The following ENPEP variants were observed in gnomAD, a reference collection of about 807,000 sequenced individuals.
The protein encoded by ENPEP is AP-A.
In ENPEP, 103 loss-of-function variants were observed where a neutral mutation model predicts 114.5. The ratio of observed to expected loss-of-function variants is 0.90; its 90% CI spans 0.77 to 1.06. The LOEUF (loss-of-function observed/expected upper bound fraction) is 1.06. ENPEP is among the 50% of genes least tolerant of loss of function. ENPEP has a pLI of 0.00. For synonymous variants in ENPEP, 420 were observed against 422.0 expected, an observed-to-expected ratio of 1.00 and a Z score of 0.06; for missense variants, 1,196 against 1,161.3, an observed-to-expected ratio of 1.03 and a Z score of -0.43.
At chr4:110,523,396 A>T (rs888756863) in intron 10 of ENPEP, among the ~76,000 whole-genome samples, 1 of 152,110 alleles carries the variant, frequency 6.6e-6, no homozygotes, top group Non-Finnish European at 1.5e-5. Flanking sequence ...AACTGTGAGT[A>T]AATTAAACCT....
intron 1 of ENPEP, among the ~76,000 whole-genome samples, chr4:110,480,965 C>T (rs373517411): frequency 2.6e-5 from 4 of 152,142 alleles, no homozygotes; most frequent in South Asian, 2.1e-4. Flanking sequence ...CACCGTGTTA[C>T]GTAGGATTTC....
At chr4:110,486,931 G>A (rs1218015473) in intron 1 of ENPEP, among the ~76,000 whole-genome samples, 3 of 152,132 alleles carry the variant, frequency 2.0e-5, no homozygotes, top group African/African-American at 4.8e-5. Flanking sequence ...GGCGGGTAGG[G>A]GCTTGGGAAG....
intron 8 of ENPEP, 99 bp from the exon 9 acceptor site, chr4:110,519,909 A>G (rs534475875): frequency 3.9e-6 from 4 of 1,027,804 alleles, no homozygotes; most frequent in South Asian, 1.5e-5. Flanking sequence ...GTTTTGCGCA[A>G]TGGAGGTAGA....
At chr4:110,511,384 A>G (rs1560558913) in intron 6 of ENPEP, among the ~76,000 whole-genome samples, 3 of 152,138 alleles carry the variant, frequency 2.0e-5, no homozygotes, top group Non-Finnish European at 2.9e-5. Flanking sequence ...ACTAAATGCC[A>G]GTAACCTGCC....
rs1560572504 is a variant in ENPEP, at chr4:110,558,293, TAAA to T, written c.2643-1353_2643-1351del. ...AATTATATATATATATATATATATA[TAAA>T]TTTTTTTTTGAGACAAGGTCTCACT... On this transcript the variant is annotated intron_variant, in intron 18 of 19. Coordinates refer to ENST00000265162, the MANE Select transcript of ENPEP (RefSeq NM_001977.4). Among the ~76,000 whole-genome samples the T allele has an allele frequency of 9.7e-5, 14 of 144,796 alleles. No individual in the cohort carries two copies. In the East Asian group the frequency reaches 2.4e-3, roughly 25 times the overall value. 95.0% of individuals were successfully genotyped at this position (144,796 alleles called of 152,430 possible).
At chr4:110,549,134 A>T (rs1578418394) in intron 14 of ENPEP, among the ~76,000 whole-genome samples, 2 of 152,220 alleles carry the variant, frequency 1.3e-5, no homozygotes, top group East Asian at 3.9e-4. Context: ...TTTATAAAAC[A>T]TTACAGGAAG....
chr4:110,553,174 A>G (rs1427865846), intron 17 of ENPEP, 141 bp from the exon 18 acceptor site: 1 of 688,304 alleles, frequency 1.5e-6, no homozygotes, highest in Non-Finnish European at 2.2e-6. Context: ...GTCTTTCATC[A>G]TTTGTCATAT....
chr4:110,514,686 A>G (rs1372345769), intron 7 of ENPEP, among the ~76,000 whole-genome samples: 2 of 122,308 alleles, frequency 1.6e-5, no homozygotes, highest in African/African-American at 2.9e-5. Flanking sequence ...TACAATAAAA[A>G]TTACTAATTT....
chr4:110,545,904 C>A (rs1240225452), intron 13 of ENPEP, among the ~76,000 whole-genome samples: 1 of 151,946 alleles, frequency 6.6e-6, no homozygotes, highest in Non-Finnish European at 1.5e-5. Flanking sequence ...AGAGCAGCAG[C>A]CAAATAGCCT....
At chr4:110,518,999 A>G (rs939385145) in intron 8 of ENPEP, 4 of 433,336 alleles carry the variant, frequency 9.2e-6, no homozygotes, top group Admixed American at 2.5e-5. Context: ...TATTTTATTA[A>G]GATATGATGA....
At position 110,543,007 on chromosome 4, in the gene ENPEP, C is replaced by A; in HGVS notation, c.1945-8C>A. The A allele has an allele frequency of 6.2e-7, 1 of 1,613,014 alleles. No individual in the cohort carries two copies. Among genetic ancestry groups the A allele is most frequent in the Non-Finnish European group, 8.5e-7 (1 of 1,179,308 alleles). ...TGTGTTTTTATCTCTCTTTCTCCCT[C>A]TTCCCAGACATTTTCTTCAGCAGAT... On this transcript the variant is annotated splice_region_variant and splice_polypyrimidine_tract_variant and intron_variant, in intron 12 of 19. Coordinates refer to ENST00000265162, the MANE Select transcript of ENPEP (RefSeq NM_001977.4).
rs537507680 is a variant in ENPEP, at chr4:110,496,927, T to G, written c.918+5763T>G. Among the ~76,000 whole-genome samples, 10 of 152,364 alleles carry G rather than the reference T, an allele frequency of 6.6e-5. No individual in the cohort carries two copies. In the South Asian group the frequency reaches 1.7e-3, roughly 25 times the overall value. On this transcript the variant is annotated intron_variant, in intron 3 of 19. Transcript: ENST00000265162. ...TTACTAGTTTTTTATTCCAATCTTC[T>G]GTTTTTTAGAAGCAATCGCTAAATG...
intron 12 of ENPEP, 57 bp from the exon 13 acceptor site, chr4:110,542,958 T>A: frequency 6.2e-7 from 1 of 1,609,818 alleles, no homozygotes; most frequent in South Asian, 1.1e-5. Flanking sequence ...ATTAATTTTT[T>A]TCAACATGCT....
Position 110,559,656 on chromosome 4 carries a change from C to T in ENPEP, c.2652C>T (p.Leu884=). The T allele has an allele frequency of 2.5e-6, 4 of 1,612,458 alleles. No homozygotes were observed. Among genetic ancestry groups the T allele is most frequent in the Non-Finnish European group, 3.4e-6 (4 of 1,178,514 alleles). ...CTAAATTTCTCTCCAGATATACACTCAATAACAGAAACCTTGGCCGAATTG... is the reference window on the plus strand; with the variant it reads ...CTAAATTTCTCTCCAGATATACACTTAATAACAGAAACCTTGGCCGAATTG... ...NWDYLVNRYT[L]NNRNLGRIVT... The change falls in exon 19 of 20, where the codon CTC becomes CTT. Residue 884 remains leucine (L), a synonymous_variant. Coordinates refer to ENST00000265162, the MANE Select transcript of ENPEP (RefSeq NM_001977.4).
At chr4:110,526,177 G>A (rs9993313) in intron 10 of ENPEP, among the ~76,000 whole-genome samples, 26,454 of 151,958 alleles carry the variant, frequency 0.17, 2,702 homozygotes, top group Middle Eastern at 0.32. Flanking sequence ...TCGGGAGGCT[G>A]AGGCAGGAGA....
At chr4:110,546,096 A>G (rs1345468907) in intron 13 of ENPEP, among the ~76,000 whole-genome samples, 1 of 151,988 alleles carries the variant, frequency 6.6e-6, no homozygotes, top group Non-Finnish European at 1.5e-5. Flanking sequence ...TACTCAGTAT[A>G]CTGACAGCAC....
rs1443493436 is a variant in ENPEP, at chr4:110,562,970, TTTC to T, written c.*1415_*1417del. The T allele has an allele frequency of 2.0e-5, 3 of 152,172 alleles. No homozygotes were observed. Among genetic ancestry groups the T allele is most frequent in the Non-Finnish European group, 2.9e-5 (2 of 68,000 alleles). 9.4% of individuals were successfully genotyped at this position (152,172 alleles called of 1,614,324 possible). ...AACTTTATAAACTTTCCTGTTGCTG[TTTC>T]TTAATTATCACTTCTCAATCCGTAC... On this transcript the variant is annotated 3_prime_UTR_variant, in exon 20 of 20. Transcript: ENST00000265162.
At chr4:110,531,168 G>C in intron 10 of ENPEP, 30 bp from the exon 11 acceptor site, 1 of 1,305,132 alleles carries the variant, frequency 7.7e-7, no homozygotes, top group South Asian at 1.6e-5. Context: ...AGTAATAAAA[G>C]TTAAATTTTT....
At chr4:110,509,500 T>G (rs1465122431) in intron 4 of ENPEP, among the ~76,000 whole-genome samples, 153 bp from the exon 5 acceptor site, 2 of 152,258 alleles carry the variant, frequency 1.3e-5, no homozygotes. Flanking sequence ...GCATTAGGAC[T>G]GAAATGTTCG....
Sources: allele counts gnomAD v4.1 joint callset (sites outside exome capture counted in the v4.1 genomes callset), GRCh38; gene constraint gnomAD v4.1.1; transcripts MANE v1.5; gene names NCBI Gene and HGNC (gene_info 2026-07-23, HGNC 2026-07-21).